The following CNOT11 variants were observed in gnomAD, a reference collection of about 807,000 sequenced individuals.
CNOT11 encodes the protein UPF0760 protein C2orf29.
Under a neutral mutation model 44.6 loss-of-function variants are expected in CNOT11, and 18 were observed. That is an observed-to-expected ratio of 0.40 (90% CI 0.28 to 0.60). CNOT11 has a LOEUF of 0.60. CNOT11 is among the 20% of genes least tolerant of loss of function. CNOT11 has a pLI of 0.38. For missense variants in CNOT11, 513 were observed against 677.0 expected (o/e 0.76, Z 2.69); for synonymous variants, 291 against 270.9 (o/e 1.07, Z -0.73).
Position 101,254,123 on chromosome 2 carries a change from C to T in CNOT11, c.514+645C>T, listed in dbSNP as rs114299767. ...AACTAGTAGGTTAGATGCGAGGCTG[C>T]ATTTTTTTTTGTTTTTAAGCTCAAG... On this transcript the variant is annotated intron_variant, in intron 1 of 6. Transcript: ENST00000289382. 2.1e-3 allele frequency among the ~76,000 whole-genome samples: 315 copies of T among 152,172 alleles called. 1 individual carries two copies. Among genetic ancestry groups the T allele is most frequent in the African/African-American group, 6.9e-3 (286 of 41,502 alleles).
At position 101,253,147 on chromosome 2, in the gene CNOT11, G is replaced by A. The variant is rs1255817386; in HGVS notation, c.183G>A (p.Met61Ile). 2 of 1,576,364 alleles carry A rather than the reference G, an allele frequency of 1.3e-6. No individual in the cohort carries two copies. The highest frequency in any genetic ancestry group is 1.4e-5 in the African/African-American group (1 of 71,310). The change falls in exon 1 of 7, where the codon ATG becomes ATA. Residue 61 changes from methionine (M) to isoleucine (I), a missense_variant. Physicochemically the swap from Met to Ile is conservative, Grantham distance 10 (BLOSUM62 1). Transcript: ENST00000289382. The surrounding 1 kb of genome is among the most constrained non-coding windows in gnomAD (Gnocchi z 4.3). ...GCCCGGGGGGCCCCGCGGGCAGGAT[G>A]AGCTTGACCCCGAAGGAGCTCTCGA... Reference protein sequence around the residue: ...SGGPGGPAGRMSLTPKELSSL... With the variant: ...SGGPGGPAGRISLTPKELSSL...
At chr2:101,264,725 A>G (rs1681940518) in intron 3 of CNOT11, 120 bp from the exon 4 acceptor site, 12 of 738,704 alleles carry the variant, frequency 1.6e-5, no homozygotes, top group Non-Finnish European at 2.5e-5. Context: ...GAAGTATGAG[A>G]GTTCTAGTCA....
rs1558770094 is a variant in CNOT11, at chr2:101,267,900, A to G, written c.1238+1021A>G. ...ATGGGGAAATCCATTCTGAGTGCCA[A>G]GCAACTAAACTTCAGTACTGGAGAG... On this transcript the variant is annotated intron_variant, in intron 5 of 6. Transcript: ENST00000289382. Among the ~76,000 whole-genome samples the G allele has an allele frequency of 2.0e-5, 3 of 152,240 alleles. No homozygotes were observed. The South Asian group carries it at 6.2e-4, about 32-fold the overall frequency.
In CNOT11 at chr2:101,253,322, A is replaced by G. The variant is rs201560021; in HGVS notation, c.358A>G (p.Ser120Gly). 89 of 1,606,304 alleles carry G rather than the reference A, an allele frequency of 5.5e-5. No individual in the cohort carries two copies. Among genetic ancestry groups the G allele is most frequent in the Non-Finnish European group, 7.4e-5 (87 of 1,179,152 alleles). ...MLLQQPDLLP[S>G]AAQRLTALYL... Reference sequence around the variant, plus strand: ...GCTCCAGCAGCCCGACCTGCTGCCTAGCGCGGCGCAGCGCCTCACGGCGCT... The same window carrying G: ...GCTCCAGCAGCCCGACCTGCTGCCTGGCGCGGCGCAGCGCCTCACGGCGCT... The change falls in exon 1 of 7, where the codon AGC becomes GGC. Residue 120 changes from serine to glycine, a missense_variant. Ser to Gly is a moderately conservative substitution (Grantham distance 56). Around this residue, in one of 4 missense-constraint regions of CNOT11, gnomAD observed 259 missense variants for 265.7 expected, o/e 0.97. Transcript: ENST00000289382. The surrounding 1 kb of genome is among the most constrained non-coding windows in gnomAD (Gnocchi z 4.3).
intron 2 of CNOT11, among the ~76,000 whole-genome samples, chr2:101,259,810 T>C (rs1681812157): frequency 1.3e-5 from 2 of 152,028 alleles, no homozygotes; most frequent in African/African-American, 4.8e-5. Flanking sequence ...GGCCAAGGCA[T>C]GAGAATCACT....
In CNOT11 at chr2:101,252,920, G is replaced by A. The variant is rs1010176960; in HGVS notation, c.-45G>A. 2 of 1,393,290 alleles carry A rather than the reference G, an allele frequency of 1.4e-6. No individual in the cohort carries two copies. Among genetic ancestry groups the A allele is most frequent in the Non-Finnish European group, 1.8e-6 (2 of 1,083,322 alleles). The allele number at this position is 1,393,290 out of a possible 1,614,324, so 86.3% of individuals were successfully genotyped here. ...GGCCGCGGGGACGGAGCGAGCCGGC[G>A]CCAGGGCCCCTCGGGCCGGGAAGAG... On this transcript the variant is annotated 5_prime_UTR_variant, in exon 1 of 7. Coordinates refer to ENST00000289382, the MANE Select transcript of CNOT11 (RefSeq NM_017546.5).
At position 101,252,935 on chromosome 2, in the gene CNOT11, G is replaced by T; in HGVS notation, c.-30G>T. ...GCGAGCCGGCGCCAGGGCCCCTCGGGCCGGGAAGAGGGGAAGGGGAGCGAG... is the reference window on the plus strand; with the variant it reads ...GCGAGCCGGCGCCAGGGCCCCTCGGTCCGGGAAGAGGGGAAGGGGAGCGAG... On this transcript the variant is annotated 5_prime_UTR_variant, in exon 1 of 7. Transcript: ENST00000289382. The T allele has an allele frequency of 7.1e-7, 1 of 1,414,574 alleles. No individual in the cohort carries two copies. Among genetic ancestry groups the T allele is most frequent in the Non-Finnish European group, 9.1e-7 (1 of 1,094,942 alleles). The allele number at this position is 1,414,574 out of a possible 1,614,324, so 87.6% of individuals were successfully genotyped here.
intron 2 of CNOT11, among the ~76,000 whole-genome samples, chr2:101,259,744 A>G (rs1681810402): frequency 6.6e-6 from 1 of 152,180 alleles, no homozygotes; most frequent in African/African-American, 2.4e-5. Flanking sequence ...GGTATTAACA[A>G]TATAACAATG....
At chr2:101,264,748 T>C in intron 3 of CNOT11, 97 bp from the exon 4 acceptor site, 1 of 948,732 alleles carries the variant, frequency 1.1e-6, no homozygotes, top group Non-Finnish European at 1.7e-6. Flanking sequence ...TCATCCTTAT[T>C]AAGAGATTTC....
At chr2:101,256,779 T>G (rs1431739615) in intron 1 of CNOT11, among the ~76,000 whole-genome samples, 6 of 152,258 alleles carry the variant, frequency 3.9e-5, no homozygotes, top group Non-Finnish European at 8.8e-5. Flanking sequence ...CCAGGCGTGG[T>G]GGCTCACGCC....
Position 101,262,579 on chromosome 2 carries a change from C to T in CNOT11, c.720C>T (p.Phe240=), listed in dbSNP as rs371830412. ...SELPTQSKAS[F]PSILSDPDPD... The stretch of plus-strand genomic sequence containing the variant: ...TGCCAACGCAAAGCAAAGCGAGCTT[C>T]CCCAGTATTCTCAGTGACCCAGACC... The change falls in exon 3 of 7, where the codon TTC becomes TTT. Residue 240 remains phenylalanine (F), a synonymous_variant. Coordinates refer to ENST00000289382, the MANE Select transcript of CNOT11 (RefSeq NM_017546.5). 5.6e-6 allele frequency: 9 copies of T among 1,614,012 alleles called. No individual in the cohort carries two copies. In the African/African-American group the frequency reaches 1.1e-4, roughly 19 times the overall value.
At chr2:101,254,367 C>T (rs1028581195) in intron 1 of CNOT11, among the ~76,000 whole-genome samples, 1 of 152,052 alleles carries the variant, frequency 6.6e-6, no homozygotes, top group Non-Finnish European at 1.5e-5. Context: ...GAAGTAACAC[C>T]AGGAGTTTGT....
At chr2:101,267,283 C>T (rs1286132658) in intron 5 of CNOT11, among the ~76,000 whole-genome samples, 5 of 151,952 alleles carry the variant, frequency 3.3e-5, no homozygotes, top group East Asian at 1.9e-4. Context: ...CTACCACACC[C>T]GACTAATTTT....
chr2:101,255,478 G>A (rs1463463152), intron 1 of CNOT11, among the ~76,000 whole-genome samples: 1 of 150,350 alleles, frequency 6.7e-6, no homozygotes. Flanking sequence ...CTGGGCTAAA[G>A]AGCGGGACTC....
At position 101,253,315 on chromosome 2, in the gene CNOT11, G is replaced by A; in HGVS notation, c.351G>A (p.Leu117=). 1 of 1,608,330 alleles carries A rather than the reference G, an allele frequency of 6.2e-7. No individual in the cohort carries two copies. The highest frequency in any genetic ancestry group is 8.5e-7 in the Non-Finnish European group (1 of 1,179,238). Residue 117 remains leucine, a synonymous_variant, in exon 1 of 7, where the codon CTG becomes CTA. Transcript: ENST00000289382. The surrounding 1 kb of genome is among the most constrained non-coding windows in gnomAD (Gnocchi z 4.3). ...VLVMLLQQPD[L]LPSAAQRLTA... ...TCATGCTGCTCCAGCAGCCCGACCT[G>A]CTGCCTAGCGCGGCGCAGCGCCTCA...
intron 3 of CNOT11, among the ~76,000 whole-genome samples, chr2:101,264,525 G>C (rs981795950): frequency 6.6e-6 from 1 of 152,178 alleles, no homozygotes; most frequent in Non-Finnish European, 1.5e-5. Context: ...ACCCGTTTAG[G>C]AGTCGTGCCC....
In CNOT11 at chr2:101,269,492, G is replaced by C. The variant is rs374915173; in HGVS notation, c.*79G>C. On this transcript the variant is annotated 3_prime_UTR_variant, in exon 7 of 7. Coordinates refer to ENST00000289382, the MANE Select transcript of CNOT11 (RefSeq NM_017546.5). The surrounding 1 kb of genome is among the most constrained non-coding windows in gnomAD (Gnocchi z 4.8). Reference sequence around the variant, plus strand: ...TTTTTACACCGTTAAAACCCTGAGTGGATTGCTTGGTTTAATGCATATAAA... The same window carrying C: ...TTTTTACACCGTTAAAACCCTGAGTCGATTGCTTGGTTTAATGCATATAAA... The C allele has an allele frequency of 4.9e-5, 63 of 1,298,886 alleles. No homozygotes were observed. In the African/African-American group the frequency reaches 7.9e-4, roughly 16 times the overall value. The allele number at this position is 1,298,886 out of a possible 1,614,324, so 80.5% of individuals were successfully genotyped here. A position where few individuals can be genotyped will look rare whatever the true frequency, so the allele number is the denominator to read the frequency against.
chr2:101,257,208 C>T (rs1434933926), intron 1 of CNOT11, among the ~76,000 whole-genome samples: 1 of 151,834 alleles, frequency 6.6e-6, no homozygotes, highest in Non-Finnish European at 1.5e-5. Flanking sequence ...GCCTGGCCAA[C>T]ATGGTGAAAC....
chr2:101,255,616 G>A (rs983985174), intron 1 of CNOT11, among the ~76,000 whole-genome samples: 3 of 152,188 alleles, frequency 2.0e-5, no homozygotes, highest in African/African-American at 7.2e-5. Context: ...TCCCAGAGCT[G>A]CTGATATTGT....
Sources: gnomAD v4.1 joint callset for allele counts (sites outside exome capture counted in the v4.1 genomes callset) on GRCh38, gnomAD v4.1.1 for gene constraint, gnomAD v4.1.1 regional missense constraint, Gnocchi (gnomAD v3.1) non-coding constraint, MANE v1.5 for transcripts, NCBI Gene and HGNC (gene_info 2026-07-23, HGNC 2026-07-21) for gene names.